Variants in VPS8 observed in about 807,000 individuals in gnomAD.
VPS8 encodes the protein vacuolar protein sorting-associated protein 8 homolog.
VPS8 carries 129 observed loss-of-function variants against 216.4 expected under a neutral mutation model. The ratio of observed to expected loss-of-function variants is 0.60; its 90% CI spans 0.52 to 0.69. The LOEUF is 0.69. Among genes scored for constraint, VPS8 ranks in the 30% least tolerant of loss-of-function variants. The pLI is 0.00. For missense variants in VPS8, 1,531 were observed against 1,683.5 expected (o/e 0.91, Z 1.59); for synonymous variants, 571 against 565.4 (o/e 1.01, Z -0.14).
At chr3:185,044,302 A>T (rs1021145745) in intron 46 of VPS8, among the ~76,000 whole-genome samples, 6 of 152,192 alleles carry the variant, frequency 3.9e-5, no homozygotes, top group African/African-American at 1.4e-4. Context: ...TCTGGGCTCC[A>T]CCACCAACCA....
Position 184,900,833 on chromosome 3 carries a change from G to A in VPS8, c.2095-88G>A, listed in dbSNP as rs193249567. The A allele has an allele frequency of 5.6e-4, 624 of 1,120,958 alleles. 2 individuals are homozygous for A. In the African/African-American group the frequency reaches 7.9e-3, roughly 14 times the overall value. The allele number at this position is 1,120,958 out of a possible 1,614,324, so 69.4% of individuals were successfully genotyped here. A position where few individuals can be genotyped will look rare whatever the true frequency, so the allele number is the denominator to read the frequency against. On this transcript the variant is annotated intron_variant, in intron 24 of 47. Coordinates refer to ENST00000625842, the MANE Select transcript of VPS8 (RefSeq NM_001009921.3). The stretch of plus-strand genomic sequence containing the variant: ...ATGGTAAATGACTAATTCCATTAGC[G>A]AATGGTGATGAATAGCATAAGATTC...
chr3:184,932,264 T>A (rs917423198), intron 34 of VPS8, among the ~76,000 whole-genome samples: 8 of 152,144 alleles, frequency 5.3e-5, no homozygotes, highest in Non-Finnish European at 1.2e-4. Context: ...TTTGAGACTC[T>A]AATGAAAGAT....
At chr3:184,832,011 A>G (rs1720095573) in intron 3 of VPS8, among the ~76,000 whole-genome samples, 1 of 152,164 alleles carries the variant, frequency 6.6e-6, no homozygotes, top group Non-Finnish European at 1.5e-5. Context: ...AGTACTGGTT[A>G]TGTGTCAGGC....
intron 22 of VPS8, among the ~76,000 whole-genome samples, chr3:184,887,997 T>A (rs1487690431): frequency 6.6e-6 from 1 of 151,864 alleles, no homozygotes; most frequent in Non-Finnish European, 1.5e-5. Context: ...ACTTTTTTTT[T>A]TTTTTTTGGA....
intron 45 of VPS8, among the ~76,000 whole-genome samples, chr3:185,003,633 A>G (rs1233573543): frequency 4.6e-5 from 7 of 151,396 alleles, no homozygotes; most frequent in South Asian, 2.1e-4. Flanking sequence ...CAAAACCGCC[A>G]TTGTCATCAT....
intron 46 of VPS8, among the ~76,000 whole-genome samples, chr3:185,041,856 C>T (rs1321501937): frequency 2.6e-5 from 4 of 152,152 alleles, no homozygotes; most frequent in Admixed American, 2.6e-4. Flanking sequence ...ATTGTGCCAG[C>T]CCTGAAAGCT....
intron 25 of VPS8, among the ~76,000 whole-genome samples, chr3:184,909,209 G>C (rs1179593918): frequency 3.3e-5 from 5 of 152,252 alleles, no homozygotes; most frequent in Non-Finnish European, 7.3e-5. Flanking sequence ...GAGAAAGGGA[G>C]ATGGCAATAC....
intron 46 of VPS8, among the ~76,000 whole-genome samples, chr3:185,026,701 C>CTTTTTTTTTTT: frequency 1.2e-5 from 1 of 85,942 alleles, no homozygotes; most frequent in Non-Finnish European, 2.3e-5. Context: ...GAGCCACTGT[C>CTTTTTTTTTTT]TTTTTTTTTT....
At chr3:184,908,676 C>T (rs562642152) in intron 25 of VPS8, among the ~76,000 whole-genome samples, 117 of 152,326 alleles carry the variant, frequency 7.7e-4, no homozygotes, top group African/African-American at 2.1e-3. Context: ...TACCCACACT[C>T]GGTGGGTCCC....
chr3:184,820,268 A>G (rs1717277381), intron 1 of VPS8, among the ~76,000 whole-genome samples: 1 of 152,198 alleles, frequency 6.6e-6, no homozygotes, highest in African/African-American at 2.4e-5. Flanking sequence ...CTCGGAGACC[A>G]TCTGTTTCCT....
chr3:185,026,631 G>A (rs968209421), intron 46 of VPS8, among the ~76,000 whole-genome samples: 12 of 150,212 alleles, frequency 8.0e-5, no homozygotes, highest in Non-Finnish European at 1.6e-4. Context: ...AGCTGGTCTC[G>A]AACTCCTGAC....
chr3:184,834,541 A>G (rs2108559845), intron 4 of VPS8, 108 bp from the exon 5 acceptor site: 1 of 803,136 alleles, frequency 1.2e-6, no homozygotes, highest in East Asian at 2.8e-5. Flanking sequence ...AATTACATAC[A>G]ATGTTGTCTT....
intron 13 of VPS8, 106 bp downstream of exon 13, chr3:184,854,279 C>A: frequency 7.7e-7 from 1 of 1,291,400 alleles, no homozygotes. Context: ...GAAAACTAGA[C>A]AGGATGAAAG....
chr3:184,957,670 C>T (rs1319569828), intron 37 of VPS8, 149 bp downstream of exon 37: 2 of 1,027,936 alleles, frequency 1.9e-6, no homozygotes, highest in Non-Finnish European at 2.8e-6. Context: ...AAACAAAAGT[C>T]AGATTAACAA....
chr3:184,878,888 G>T (rs1227003101), intron 21 of VPS8, among the ~76,000 whole-genome samples: 1 of 152,152 alleles, frequency 6.6e-6, no homozygotes, highest in Non-Finnish European at 1.5e-5. Context: ...ATTTATCTGT[G>T]TGTGTATATC....
At chr3:184,934,642 A>G (rs1741281822) in intron 34 of VPS8, among the ~76,000 whole-genome samples, 1 of 152,154 alleles carries the variant, frequency 6.6e-6, no homozygotes, top group South Asian at 2.1e-4. Flanking sequence ...TTTGAATTTT[A>G]TCATGTTTTC....
intron 39 of VPS8, among the ~76,000 whole-genome samples, chr3:184,968,307 C>T (rs1382959035): frequency 3.3e-5 from 5 of 152,034 alleles, no homozygotes; most frequent in African/African-American, 1.2e-4. Flanking sequence ...GGGCCACTTC[C>T]ACTTTTTGTC....
chr3:184,958,013 AT>A (rs1278418831), intron 37 of VPS8, among the ~76,000 whole-genome samples: 1 of 152,174 alleles, frequency 6.6e-6, no homozygotes, highest in Non-Finnish European at 1.5e-5. Flanking sequence ...ATTCCCCTGC[AT>A]TTTCATTGTC....
At chr3:184,868,252 A>G (rs1288437223) in intron 18 of VPS8, 193 bp downstream of exon 18, 1 of 551,080 alleles carries the variant, frequency 1.8e-6, no homozygotes, top group Non-Finnish European at 3.2e-6. Flanking sequence ...TTGTCTACAT[A>G]TATTAGAAAA....
Sources: gnomAD v4.1 joint callset for allele counts (sites outside exome capture counted in the v4.1 genomes callset) on GRCh38, gnomAD v4.1.1 for gene constraint, MANE v1.5 for transcripts, NCBI Gene and HGNC (gene_info 2026-07-23, HGNC 2026-07-21) for gene names.